The following UBE2E2 variants were observed in gnomAD, a reference collection of about 807,000 sequenced individuals.
The protein encoded by UBE2E2 is ubiquitin conjugating enzyme E2 E2, also known as ubiquitin-conjugating enzyme E2 E2.
UBE2E2 carries 6 observed loss-of-function variants against 24.7 expected under a neutral mutation model. The observed-to-expected ratio is 0.24, with a 90% CI of 0.13 to 0.48. UBE2E2 has a LOEUF of 0.48. UBE2E2 is among the 20% of genes least tolerant of loss of function. The probability of loss-of-function intolerance (pLI) is 0.99; values close to 1 mark genes in which losing one functional copy is unlikely to be tolerated. For synonymous variants in UBE2E2, 104 were observed against 83.6 expected, an observed-to-expected ratio of 1.24 and a Z score of -1.33; for missense variants, 169 against 245.0, an observed-to-expected ratio of 0.69 and a Z score of 2.07.
intron 3 of UBE2E2, among the ~76,000 whole-genome samples, chr3:23,341,153 A>G (rs1225628956): frequency 1.3e-5 from 2 of 152,126 alleles, no homozygotes; most frequent in African/African-American, 2.4e-5. Context: ...TTTTCACCCA[A>G]CTGCAGCATT....
At chr3:23,458,937 C>G (rs1011931118) in intron 3 of UBE2E2, among the ~76,000 whole-genome samples, 8 of 152,178 alleles carry the variant, frequency 5.3e-5, no homozygotes, top group Non-Finnish European at 7.3e-5. Context: ...CACGGCATGC[C>G]TGTAAATGGC....
At chr3:23,312,363 C>T (rs1234614065) in intron 3 of UBE2E2, among the ~76,000 whole-genome samples, 3 of 152,088 alleles carry the variant, frequency 2.0e-5, no homozygotes, top group Non-Finnish European at 4.4e-5. Context: ...GTATTCCTTC[C>T]CACAAGCATT....
intron 2 of UBE2E2, among the ~76,000 whole-genome samples, chr3:23,209,170 T>A (rs936060032): frequency 3.3e-5 from 5 of 152,228 alleles, no homozygotes; most frequent in African/African-American, 1.2e-4. Context: ...AGTAGTTTCA[T>A]TTATGGTTAC....
chr3:23,589,673 TG>T lies in UBE2E2; in HGVS notation c.509-60del. ...ACCCTCCCACTCCTTGCCAGCTTTC[TG>T]AACACTTCTTCCCCCACAGTGCTGG... is the stretch of plus-strand genomic sequence containing the variant. On this transcript the variant is annotated intron_variant, in intron 5 of 5. Coordinates refer to ENST00000396703, the MANE Select transcript of UBE2E2 (RefSeq NM_152653.4). The surrounding 1 kb of genome is among the most constrained non-coding windows in gnomAD (Gnocchi z 4.1). 6.4e-7 allele frequency: 1 copy of T among 1,573,910 alleles called. No individual in the cohort carries two copies. Among genetic ancestry groups the T allele is most frequent in the South Asian group, 1.1e-5 (1 of 88,788 alleles).
At chr3:23,360,928 A>G (rs1055319841) in intron 3 of UBE2E2, among the ~76,000 whole-genome samples, 6 of 152,146 alleles carry the variant, frequency 3.9e-5, no homozygotes, top group African/African-American at 1.4e-4. Context: ...TTCACAAACT[A>G]TGCATTTGAT....
At chr3:23,256,642 A>G (rs1414757196) in intron 3 of UBE2E2, among the ~76,000 whole-genome samples, 1 of 152,154 alleles carries the variant, frequency 6.6e-6, no homozygotes, top group Non-Finnish European at 1.5e-5. Flanking sequence ...GGATTTATAT[A>G]TTTTCATAAT....
intron 3 of UBE2E2, among the ~76,000 whole-genome samples, chr3:23,223,533 C>G (rs1696724722): frequency 6.6e-6 from 1 of 152,014 alleles, no homozygotes. Context: ...TATTTGCTGT[C>G]AAGTTGTTTG....
chr3:23,435,246 C>T (rs1698153690), intron 3 of UBE2E2, among the ~76,000 whole-genome samples: 1 of 152,174 alleles, frequency 6.6e-6, no homozygotes, highest in African/African-American at 2.4e-5. Context: ...TAGAATCAGT[C>T]ATGAGTCTAA....
At chr3:23,225,400 T>C (rs561312669) in intron 3 of UBE2E2, among the ~76,000 whole-genome samples, 1 of 152,350 alleles carries the variant, frequency 6.6e-6, no homozygotes, top group Admixed American at 6.5e-5. Context: ...TTTACATCTG[T>C]ATTTTTTCCT....
chr3:23,441,890 T>A (rs1447557574), intron 3 of UBE2E2, among the ~76,000 whole-genome samples: 1 of 152,240 alleles, frequency 6.6e-6, no homozygotes, highest in East Asian at 1.9e-4. Flanking sequence ...CATTTGCTTT[T>A]GGTGTACCAC....
chr3:23,398,325 A>AAAC (rs1276872110), intron 3 of UBE2E2, among the ~76,000 whole-genome samples: 1 of 150,346 alleles, frequency 6.7e-6, no homozygotes, highest in African/African-American at 2.5e-5. Context: ...AAAAAAAAAC[A>AAAC]AAAAAAAACT....
intron 5 of UBE2E2, among the ~76,000 whole-genome samples, chr3:23,536,586 T>C (rs182253539): frequency 4.9e-4 from 75 of 152,360 alleles, no homozygotes; most frequent in Admixed American, 2.9e-3. Flanking sequence ...ACATTTGATA[T>C]TGAGAAATTA....
intron 3 of UBE2E2, among the ~76,000 whole-genome samples, chr3:23,487,007 T>C (rs1286068570): frequency 6.6e-6 from 1 of 152,176 alleles, no homozygotes; most frequent in African/African-American, 2.4e-5. Context: ...ATCAACATGC[T>C]ATCTGTGGTG....
chr3:23,544,085 T>C (rs1455800566), intron 5 of UBE2E2, among the ~76,000 whole-genome samples: 1 of 152,208 alleles, frequency 6.6e-6, no homozygotes, highest in Non-Finnish European at 1.5e-5. Context: ...AAGACTTACA[T>C]TGAAGACTAA....
intron 3 of UBE2E2, among the ~76,000 whole-genome samples, chr3:23,402,584 A>G (rs1697252946): frequency 6.6e-6 from 1 of 152,202 alleles, no homozygotes; most frequent in Non-Finnish European, 1.5e-5. Flanking sequence ...TGGTTTGGAA[A>G]TTATTTGCAA....
At chr3:23,334,119 G>A (rs1191230631) in intron 3 of UBE2E2, among the ~76,000 whole-genome samples, 1 of 152,094 alleles carries the variant, frequency 6.6e-6, no homozygotes, top group Non-Finnish European at 1.5e-5. Flanking sequence ...CTCATATCTA[G>A]TAACAAGACA....
At chr3:23,572,442 T>C (rs1031221582) in intron 5 of UBE2E2, among the ~76,000 whole-genome samples, 5 of 152,142 alleles carry the variant, frequency 3.3e-5, no homozygotes, top group Non-Finnish European at 7.3e-5. Context: ...GTATATTGCG[T>C]GTTGCTAAAG....
At chr3:23,425,586 A>G (rs1188785171) in intron 3 of UBE2E2, among the ~76,000 whole-genome samples, 1 of 152,188 alleles carries the variant, frequency 6.6e-6, no homozygotes, top group Admixed American at 6.5e-5. Flanking sequence ...CAGATTGAAG[A>G]GACAGGCAAA....
chr3:23,418,534 G>A (rs1042385069), intron 3 of UBE2E2, among the ~76,000 whole-genome samples: 7 of 152,164 alleles, frequency 4.6e-5, no homozygotes, highest in Non-Finnish European at 8.8e-5. Context: ...GTAAAGACGG[G>A]GTTTTACCAT....
Sources: gnomAD v4.1 joint callset for allele counts (sites outside exome capture counted in the v4.1 genomes callset) on GRCh38, gnomAD v4.1.1 for gene constraint, Gnocchi (gnomAD v3.1) non-coding constraint, MANE v1.5 for transcripts, NCBI Gene and HGNC (gene_info 2026-07-23, HGNC 2026-07-21) for gene names.